The following AP3M2 variants were observed in gnomAD, a reference collection of about 807,000 sequenced individuals.
AP3M2 encodes the protein AP-3 complex subunit mu-2.
In AP3M2, 28 loss-of-function variants were observed where a neutral mutation model predicts 41.6. The observed-to-expected ratio is 0.67, with a 90% CI of 0.50 to 0.92. The LOEUF is 0.92. Ranked by LOEUF, AP3M2 falls within the 40% of genes least tolerant of loss-of-function variation. The pLI is 0.00. For missense variants in AP3M2, 427 were observed against 521.4 expected (o/e 0.82, Z 1.76); for synonymous variants, 193 against 186.4 (o/e 1.04, Z -0.29).
At chr8:42,157,840 A>G (rs1377665842) in intron 2 of AP3M2, 101 bp from the exon 3 acceptor site, 2 of 1,171,430 alleles carry the variant, frequency 1.7e-6, no homozygotes, top group African/African-American at 1.6e-5. Flanking sequence ...CCAGAAACAC[A>G]TGGACAGGCC....
rs1395900221 is a variant in AP3M2, at chr8:42,171,151, GTT to G, written c.*2092_*2093del. On this transcript the variant is annotated 3_prime_UTR_variant, in exon 9 of 9. Transcript: ENST00000396926. Reference sequence around the variant, plus strand: ...TAACATGTGCAGAAGTAGCTTCTCTGTTTAAGTTTAATAAAGTTGAGTTTCAC... The same window carrying G: ...TAACATGTGCAGAAGTAGCTTCTCTGTAAGTTTAATAAAGTTGAGTTTCAC... The G allele has an allele frequency of 6.6e-6, 1 of 152,258 alleles. No individual in the cohort carries two copies. The highest frequency in any genetic ancestry group is 1.5e-5 in the Non-Finnish European group (1 of 68,068). The allele number at this position is 152,258 out of a possible 1,614,324, so 9.4% of individuals were successfully genotyped here.
Position 42,157,936 on chromosome 8 carries a change from A to G in AP3M2, c.274-5A>G. On this transcript the variant is annotated splice_polypyrimidine_tract_variant and splice_region_variant and intron_variant, in intron 2 of 8. Transcript: ENST00000396926. ...TGATCAATGTGTATATTCTGTCTCC[A>G]TCAGGATTATTTTGGAGTCTGTTCA... 2 of 1,610,260 alleles carry G rather than the reference A, an allele frequency of 1.2e-6. No individual in the cohort carries two copies. The highest frequency in any genetic ancestry group is 1.7e-6 in the Non-Finnish European group (2 of 1,176,736).
At chr8:42,159,131 A>G (rs1200216161) in intron 3 of AP3M2, among the ~76,000 whole-genome samples, 1 of 152,162 alleles carries the variant, frequency 6.6e-6, no homozygotes, top group African/African-American at 2.4e-5. Flanking sequence ...TTCCATGTGG[A>G]GTGGACCCAA....
intron 1 of AP3M2, chr8:42,153,328 G>T (rs2150955818): frequency 6.6e-6 from 1 of 152,056 alleles, no homozygotes; most frequent in East Asian, 1.9e-4. Flanking sequence ...TGCGCTCGCT[G>T]GCGCGGCCCG....
At position 42,165,524 on chromosome 8, in the gene AP3M2, A is replaced by G; in HGVS notation, c.767A>G (p.Asn256Ser). 1 of 1,614,136 alleles carries G rather than the reference A, an allele frequency of 6.2e-7. No homozygotes were observed. The highest frequency in any genetic ancestry group is 8.5e-7 in the Non-Finnish European group (1 of 1,180,018). Residue 256 changes from asparagine (N) to serine (S), a missense_variant, in exon 6 of 9, where the codon AAC becomes AGC. Physicochemically the swap from Asn to Ser is conservative, Grantham distance 46. Around this residue, in one of 3 missense-constraint regions of AP3M2, gnomAD observed 237 missense variants for 284.9 expected, o/e 0.83. Transcript: ENST00000396926. ...RILSFIPPDG[N>S]FRLLSYHVSA... Reference sequence around the variant, plus strand: ...CTCTCCTTCATCCCTCCTGATGGAAACTTCCGCCTGCTGTCTTACCATGTC... The same window carrying G: ...CTCTCCTTCATCCCTCCTGATGGAAGCTTCCGCCTGCTGTCTTACCATGTC...
rs1804404533 is a variant in AP3M2, at chr8:42,158,051, C to T, written c.384C>T (p.Asn128=). ...DNGFPLATES[N]ILKELIKPPT... is the part of the protein sequence containing the mutation. ...GTTTTCCATTGGCTACCGAGTCGAA[C>T]ATTCTTAAAGAACTCATAAAGCCTC... The change falls in exon 3 of 9, where the codon AAC becomes AAT. Residue 128 remains asparagine (N), a synonymous_variant. Coordinates refer to ENST00000396926, the MANE Select transcript of AP3M2 (RefSeq NM_006803.4). 1.2e-6 allele frequency: 2 copies of T among 1,614,100 alleles called. No homozygotes were observed. Among genetic ancestry groups the T allele is most frequent in the African/African-American group, 1.3e-5 (1 of 74,996 alleles).
At position 42,165,527 on chromosome 8, in the gene AP3M2, TC is replaced by T. The variant is rs762593719; in HGVS notation, c.772del (p.Arg258AlafsTer36). 4 of 1,614,170 alleles carry T rather than the reference TC, an allele frequency of 2.5e-6. No homozygotes were observed. Among genetic ancestry groups the T allele is most frequent in the Admixed American group, 1.7e-5 (1 of 60,026 alleles). ...TCCTTCATCCCTCCTGATGGAAACT[TC>T]CGCCTGCTGTCTTACCATGTCAGTG... ...ILSFIPPDGN[F>X]RLLSYHVSAQ... On this transcript the variant is annotated frameshift_variant, in exon 6 of 9. Transcript: ENST00000396926. LOFTEE classifies it high-confidence loss of function.
Position 42,154,954 on chromosome 8 carries a change from A to G in AP3M2, c.267A>G (p.Thr89=). The G allele has an allele frequency of 1.2e-6, 2 of 1,612,890 alleles. No individual in the cohort carries two copies. The highest frequency in any genetic ancestry group is 1.7e-6 in the Non-Finnish European group (2 of 1,179,048). Residue 89 remains threonine (T), a synonymous_variant, in exon 2 of 9, where the codon ACA becomes ACG. Coordinates refer to ENST00000396926, the MANE Select transcript of AP3M2 (RefSeq NM_006803.4). ...AGTTTCTTCACCGAGTGGTGGACACATTTCAGGTTCGTGAATGTGGGAAAG... is the reference window on the plus strand; with the variant it reads ...AGTTTCTTCACCGAGTGGTGGACACGTTTCAGGTTCGTGAATGTGGGAAAG... ...VIEFLHRVVD[T]FQDYFGVCSE...
intron 8 of AP3M2, chr8:42,168,139 C>T: frequency 2.0e-6 from 1 of 504,324 alleles, no homozygotes; most frequent in Non-Finnish European, 3.8e-6. Context: ...TATGAGAATC[C>T]ATGTGCATTC....
chr8:42,156,015 AC>A, intron 2 of AP3M2: 1 of 452,916 alleles, frequency 2.2e-6, no homozygotes, highest in Admixed American at 2.4e-5. Flanking sequence ...CATGCAACAT[AC>A]CGGCCCCTTT....
At chr8:42,158,222 C>T in intron 3 of AP3M2, 110 bp downstream of exon 3, 2 of 1,131,074 alleles carry the variant, frequency 1.8e-6, no homozygotes, top group Non-Finnish European at 2.5e-6. Context: ...TCAGGTGTCC[C>T]AGTGCTTTAA....
chr8:42,162,181 T>G lies in AP3M2; in HGVS notation c.446-100T>G, dbSNP rs1358497834. 5.1e-6 allele frequency: 6 copies of G among 1,174,548 alleles called. No homozygotes were observed. The East Asian group carries it at 1.6e-4, about 31-fold the overall frequency. The allele number at this position is 1,174,548 out of a possible 1,614,324, so 72.8% of individuals were successfully genotyped here. A position where few individuals can be genotyped will look rare whatever the true frequency, so the allele number is the denominator to read the frequency against. On this transcript the variant is annotated intron_variant, in intron 3 of 8. Transcript: ENST00000396926. ...TCTTCTGTTTGAAAAATTCTTCAAT[T>G]GAGTGCATGAATAGTGGGAGCATAG...
At chr8:42,165,357 A>C (rs1359473139) in intron 5 of AP3M2, 70 bp from the exon 6 acceptor site, 13 of 1,563,418 alleles carry the variant, frequency 8.3e-6, no homozygotes, top group African/African-American at 1.4e-5. Flanking sequence ...ACAGCATTTA[A>C]ATTGCTTTCC....
intron 2 of AP3M2, among the ~76,000 whole-genome samples, chr8:42,155,164 C>T (rs1804323491): frequency 6.6e-6 from 1 of 152,160 alleles, no homozygotes; most frequent in Non-Finnish European, 1.5e-5. Flanking sequence ...TACTTTTGAA[C>T]CTCTTGCGTG....
In AP3M2 at chr8:42,162,406, A is replaced by G. The variant is rs1397010831; in HGVS notation, c.571A>G (p.Ile191Val). The G allele has an allele frequency of 2.5e-6, 4 of 1,605,124 alleles. No individual in the cohort carries two copies. In the East Asian group the frequency reaches 9.0e-5, roughly 36 times the overall value. Residue 191 changes from isoleucine to valine, a missense_variant, in exon 4 of 9, where the codon ATT (isoleucine) becomes GTT (valine). Ile to Val is a conservative substitution (Grantham distance 29). This residue lies in a region of AP3M2 where 86 missense variants were observed against 142.6 expected (regional missense o/e 0.60). Coordinates refer to ENST00000396926, the MANE Select transcript of AP3M2 (RefSeq NM_006803.4). Reference protein sequence around the residue: ...FDVIEEIDAIIDKSGSTITAE... With the variant: ...FDVIEEIDAIVDKSGSTITAE... ...TGTGATTGAAGAGATTGATGCAATT[A>G]TTGATAAATCAGGTAGGTGCTTTTA...
rs1804316000 is a variant in AP3M2, at chr8:42,154,906, G to C, written c.219G>C (p.Glu73Asp). ...KIFFVAVIQTEVPPLFVIEFL... is the reference protein window; with the variant it reads ...KIFFVAVIQTDVPPLFVIEFL... ...TTTTTGTGGCCGTGATCCAGACGGA[G>C]GTCCCCCCTCTGTTTGTCATTGAGT... Residue 73 changes from glutamate (E) to aspartate (D), a missense_variant, in exon 2 of 9, where the codon GAG becomes GAC. Physicochemically the swap from Glu to Asp is conservative, Grantham distance 45. Around this residue, in one of 3 missense-constraint regions of AP3M2, gnomAD observed 104 missense variants for 93.8 expected, o/e 1.11. Coordinates refer to ENST00000396926, the MANE Select transcript of AP3M2 (RefSeq NM_006803.4). 1 of 1,614,156 alleles carries C rather than the reference G, an allele frequency of 6.2e-7. No homozygotes were observed. The highest frequency in any genetic ancestry group is 1.7e-5 in the Admixed American group (1 of 60,020).
rs974980668 is a variant in AP3M2, at chr8:42,167,586, A to G, written c.1012-80A>G. On this transcript the variant is annotated intron_variant, in intron 7 of 8. Coordinates refer to ENST00000396926, the MANE Select transcript of AP3M2 (RefSeq NM_006803.4). ...TTGTGGACAGGTGCCCTGAGTTTAG[A>G]TCTCAGCCACCTCAAATGCAGGATT... The G allele has an allele frequency of 2.2e-5, 33 of 1,531,678 alleles. No homozygotes were observed. The African/African-American group carries it at 3.9e-4, about 18-fold the overall frequency. The allele number at this position is 1,531,678 out of a possible 1,614,324, so 94.9% of individuals were successfully genotyped here.
chr8:42,155,647 T>C (rs1804333831), intron 2 of AP3M2: 1 of 173,152 alleles, frequency 5.8e-6, no homozygotes, highest in Non-Finnish European at 1.2e-5. Context: ...AGCACAGGAG[T>C]TCAGACAGCA....
chr8:42,162,393 G>T lies in AP3M2; in HGVS notation c.558G>T (p.Glu186Asp). The change falls in exon 4 of 9, where the codon GAG (glutamate) becomes GAT (aspartate). Residue 186 changes from glutamate to aspartate, a missense_variant. By Grantham distance (45) the Glu-to-Asp change is conservative. Around this residue, in one of 3 missense-constraint regions of AP3M2, gnomAD observed 86 missense variants for 142.6 expected, o/e 0.60. Coordinates refer to ENST00000396926, the MANE Select transcript of AP3M2 (RefSeq NM_006803.4). ...NNEAYFDVIE[E>D]IDAIIDKSGS... ...AGGCCTATTTTGATGTGATTGAAGA[G>T]ATTGATGCAATTATTGATAAATCAG... is the stretch of plus-strand genomic sequence containing the variant. 1 of 1,607,814 alleles carries T rather than the reference G, an allele frequency of 6.2e-7. No homozygotes were observed.
Sources: gnomAD v4.1 joint callset for allele counts (sites outside exome capture counted in the v4.1 genomes callset) on GRCh38, gnomAD v4.1.1 for gene constraint, gnomAD v4.1.1 regional missense constraint, MANE v1.5 for transcripts, NCBI Gene and HGNC (gene_info 2026-07-23, HGNC 2026-07-21) for gene names.